Variants in RBFOX1 observed in about 807,000 individuals in gnomAD.
RBFOX1 encodes the protein RNA binding fox-1 homolog 1, also known as RNA binding protein fox-1 homolog 1.
In RBFOX1, 8 loss-of-function variants were observed where a neutral mutation model predicts 57.7. That is an observed-to-expected ratio of 0.14 (90% CI 0.08 to 0.25). RBFOX1 has a LOEUF of 0.25. Among genes scored for constraint, RBFOX1 ranks in the 10% least tolerant of loss-of-function variants. The pLI, the probability that RBFOX1 is intolerant of heterozygous loss-of-function variation, is 1.00. For missense variants in RBFOX1, 611 were observed against 548.5 expected, an observed-to-expected ratio of 1.11 and a Z score of -1.14; for synonymous variants, 326 against 222.4, an observed-to-expected ratio of 1.47 and a Z score of -4.15.
chr16:5,580,399 G>T (rs2046625544), intron 2 of RBFOX1, among the ~76,000 whole-genome samples: 1 of 152,226 alleles, frequency 6.6e-6, no homozygotes, highest in African/African-American at 2.4e-5. Context: ...CGAGGGGTAA[G>T]TGCCCACTGA....
chr16:5,600,525 G>C (rs1420470329), downstream of RBFOX1, among the ~76,000 whole-genome samples: 1 of 150,278 alleles, frequency 6.7e-6, no homozygotes, highest in Non-Finnish European at 1.5e-5. Context: ...CTTGGCCCTG[G>C]GCCTTGTCCA....
intron 3 of RBFOX1, among the ~76,000 whole-genome samples, chr16:6,882,005 C>T (rs2131224): frequency 0.95 from 144,239 of 152,230 alleles, 68,423 homozygotes; most frequent in East Asian, 1. Flanking sequence ...TTTAAAAAAA[C>T]TAAAATCACC....
chr16:7,308,724 G>C (rs368317425), intron 4 of RBFOX1, among the ~76,000 whole-genome samples: 1 of 152,204 alleles, frequency 6.6e-6, no homozygotes, highest in African/African-American at 2.4e-5. Flanking sequence ...ATTAGAAAGC[G>C]ATTCTCAGTT....
intron 4 of RBFOX1, among the ~76,000 whole-genome samples, chr16:5,988,616 G>C (rs935345824): frequency 6.6e-6 from 1 of 152,106 alleles, no homozygotes; most frequent in African/African-American, 2.4e-5. Flanking sequence ...GCCGTGACAC[G>C]GACAGCCTCG....
chr16:5,467,366 C>G, intron 2 of RBFOX1: 1 of 1,027,492 alleles, frequency 9.7e-7, no homozygotes, highest in Non-Finnish European at 1.4e-6. Flanking sequence ...GGGCAGACAT[C>G]TGTAATCAAC....
chr16:6,429,700 C>T (rs2094023724), intron 2 of RBFOX1, among the ~76,000 whole-genome samples: 1 of 152,160 alleles, frequency 6.6e-6, no homozygotes, highest in African/African-American at 2.4e-5. Flanking sequence ...CTCATGAGAT[C>T]TGATGGTTTT....
rs1202049107 is a variant in RBFOX1 at position 6,960,983 on chromosome 16, A to G, written c.-15-91074A>G. Reference sequence around the variant, plus strand: ...TCTCTACTGAAAATACAAAAAAAAAAAAAAAAAAAAATTAGCTGGGCATGG... The same window carrying G: ...TCTCTACTGAAAATACAAAAAAAAAGAAAAAAAAAAATTAGCTGGGCATGG... On this transcript the variant is annotated intron_variant, in intron 3 of 15. Coordinates refer to ENST00000550418, the MANE Select transcript of RBFOX1 (RefSeq NM_018723.4). 7.1e-5 allele frequency among the ~76,000 whole-genome samples: 9 copies of G among 127,052 alleles called. No homozygotes were observed. In the East Asian group the frequency reaches 2.1e-3, roughly 30 times the overall value. 83.4% of individuals were successfully genotyped at this position (127,052 alleles called of 152,430 possible).
At chr16:5,383,598 A>C (rs1276936678) in intron 1 of RBFOX1, among the ~76,000 whole-genome samples, 1 of 152,254 alleles carries the variant, frequency 6.6e-6, no homozygotes, top group Non-Finnish European at 1.5e-5. Flanking sequence ...AGGAATGCAT[A>C]GTAAGTCCCT....
chr16:6,645,542 C>A (rs992042754), intron 2 of RBFOX1, among the ~76,000 whole-genome samples: 1 of 152,154 alleles, frequency 6.6e-6, no homozygotes, highest in Non-Finnish European at 1.5e-5. Context: ...AAACAACCAA[C>A]ACACCAAGTG....
intron 4 of RBFOX1, among the ~76,000 whole-genome samples, chr16:7,170,210 C>T (rs557667217): frequency 6.6e-6 from 1 of 152,126 alleles, no homozygotes; most frequent in Non-Finnish European, 1.5e-5. Context: ...CAGATTAATA[C>T]TTTTTAAAAC....
rs530295295 is a variant in RBFOX1 at position 6,021,407 on chromosome 16, A to G, written c.-127+1415A>G. Reference sequence around the variant, plus strand: ...TCTTTCAATTTTTAAGTGACCACAGAGGCCCCGGCTGGAGCTACTGGCAGA... The same window carrying G: ...TCTTTCAATTTTTAAGTGACCACAGGGGCCCCGGCTGGAGCTACTGGCAGA... On this transcript the variant is annotated intron_variant, in intron 1 of 15. Coordinates refer to ENST00000550418, the MANE Select transcript of RBFOX1 (RefSeq NM_018723.4). 2.6e-5 allele frequency among the ~76,000 whole-genome samples: 4 copies of G among 152,280 alleles called. No individual in the cohort carries two copies. The East Asian group carries it at 7.7e-4, about 30-fold the overall frequency.
chr16:6,772,866 GTGTGTC>G (rs2078573025), intron 3 of RBFOX1, among the ~76,000 whole-genome samples: 2 of 149,016 alleles, frequency 1.3e-5, no homozygotes, highest in South Asian at 2.2e-4. Context: ...ATTTGTGTGT[GTGTGTC>G]TGTGTGGGCG....
At position 6,877,477 on chromosome 16, in the gene RBFOX1, G is replaced by C. The variant is rs536132118; in HGVS notation, c.-15-174580G>C. 2.0e-5 allele frequency among the ~76,000 whole-genome samples: 3 copies of C among 152,194 alleles called. No homozygotes were observed. The South Asian group carries it at 6.2e-4, about 32-fold the overall frequency. Reference sequence around the variant, plus strand: ...GAAGCTTGACTTCTGCTTGATATCAGACCATAAAATGCCTACTTACTGTGG... The same window carrying C: ...GAAGCTTGACTTCTGCTTGATATCACACCATAAAATGCCTACTTACTGTGG... On this transcript the variant is annotated intron_variant, in intron 3 of 15. Transcript: ENST00000550418.
At chr16:6,599,597 C>G (rs1173154313) in intron 2 of RBFOX1, among the ~76,000 whole-genome samples, 1 of 152,090 alleles carries the variant, frequency 6.6e-6, no homozygotes, top group Non-Finnish European at 1.5e-5. Flanking sequence ...CTTGATTTTC[C>G]CCCGTGTAAA....
intron 4 of RBFOX1, among the ~76,000 whole-genome samples, chr16:7,216,268 A>C (rs1436580694): frequency 6.6e-6 from 1 of 152,194 alleles, no homozygotes; most frequent in African/African-American, 2.4e-5. Flanking sequence ...CGGAAAGTCC[A>C]GGTTCTCTCA....
intron 3 of RBFOX1, among the ~76,000 whole-genome samples, chr16:6,676,127 G>GACACACAC (rs750878616): frequency 6.4e-5 from 8 of 125,492 alleles, no homozygotes; most frequent in African/African-American, 2.6e-4. Context: ...CTGCCTAGGG[G>GACACACAC]ACACACACAC....
At chr16:7,276,888 G>C (rs1432129022) in intron 4 of RBFOX1, among the ~76,000 whole-genome samples, 1 of 152,152 alleles carries the variant, frequency 6.6e-6, no homozygotes, top group Non-Finnish European at 1.5e-5. Context: ...TATCTGAGTG[G>C]AATCTCAAAT....
chr16:7,502,320 C>G (rs1353008816), intron 4 of RBFOX1, among the ~76,000 whole-genome samples: 3 of 152,164 alleles, frequency 2.0e-5, no homozygotes, highest in South Asian at 2.1e-4. Context: ...AAGCACCTGC[C>G]CTTAAGGAGC....
intron 2 of RBFOX1, among the ~76,000 whole-genome samples, chr16:6,520,503 A>T (rs1208022745): frequency 1.3e-5 from 2 of 152,222 alleles, no homozygotes; most frequent in Non-Finnish European, 2.9e-5. Flanking sequence ...CATAAAATGA[A>T]ATTATTCAAC....
Sources: allele counts gnomAD v4.1 joint callset (sites outside exome capture counted in the v4.1 genomes callset), GRCh38; gene constraint gnomAD v4.1.1; transcripts MANE v1.5; gene names NCBI Gene and HGNC (gene_info 2026-07-23, HGNC 2026-07-21).